CCDC91: variants seen among roughly 807,000 people sequenced by gnomAD.
CCDC91 encodes coiled-coil domain containing 91.
A neutral mutation model predicts 63.2 loss-of-function variants in CCDC91; 48 were observed. That is an observed-to-expected ratio of 0.76 (90% CI 0.60 to 0.97). The LOEUF is 0.97. Among genes scored for constraint, CCDC91 ranks in the 50% least tolerant of loss-of-function variants. The pLI, the probability that CCDC91 is intolerant of heterozygous loss-of-function variation, is 0.00. For synonymous variants in CCDC91, 167 were observed against 165.8 expected, an observed-to-expected ratio of 1.01 and a Z score of -0.06; for missense variants, 500 against 494.6, an observed-to-expected ratio of 1.01 and a Z score of -0.10.
At chr12:28,213,643 C>T (rs1303300914) in intron 1 of CCDC91, among the ~76,000 whole-genome samples, 1 of 152,198 alleles carries the variant, frequency 6.6e-6, no homozygotes, top group African/African-American at 2.4e-5. Flanking sequence ...TCCCTGCATG[C>T]ATTGCTTCTG....
chr12:28,268,816 G>C lies in CCDC91; in HGVS notation c.109+9374G>C, dbSNP rs368490750. 4.7e-5 allele frequency: 10 copies of C among 211,354 alleles called. No homozygotes were observed. In the East Asian group the frequency reaches 7.4e-4, roughly 16 times the overall value. 13.1% of individuals were successfully genotyped at this position (211,354 alleles called of 1,614,324 possible). ...GAGACTAAGAAAAATTTTTGAATCT[G>C]ACCTCAAGTGTCTGGTATGGAGGTC... On this transcript the variant is annotated intron_variant, in intron 3 of 12. Coordinates refer to ENST00000536442, the MANE Select transcript of CCDC91 (RefSeq NM_018318.5).
In CCDC91 at chr12:28,541,632, G is replaced by T. The variant is rs76201844; in HGVS notation, c.1216-7431G>T. ...AGCAGTAACCTAAATGATATATTTG[G>T]GATCCCTATGTTAATTTAATTTAGA... On this transcript the variant is annotated intron_variant, in intron 12 of 12. Coordinates refer to ENST00000536442, the MANE Select transcript of CCDC91 (RefSeq NM_018318.5). Among the ~76,000 whole-genome samples, 194 of 151,862 alleles carry T rather than the reference G, an allele frequency of 1.3e-3. 1 individual carries two copies. Among genetic ancestry groups the T allele is most frequent in the African/African-American group, 4.6e-3 (190 of 41,442 alleles).
intron 8 of CCDC91, among the ~76,000 whole-genome samples, chr12:28,438,674 T>C (rs1949030527): frequency 6.6e-6 from 1 of 152,184 alleles, no homozygotes; most frequent in African/African-American, 2.4e-5. Context: ...CTTAGGATTT[T>C]TCAACTTTCT....
At chr12:28,229,232 G>T (rs1944447953) in intron 1 of CCDC91, among the ~76,000 whole-genome samples, 1 of 151,668 alleles carries the variant, frequency 6.6e-6, no homozygotes, top group Non-Finnish European at 1.5e-5. Context: ...TTTCAGACTG[G>T]CTTCTTTCTG....
intron 1 of CCDC91, among the ~76,000 whole-genome samples, chr12:28,252,468 C>G (rs1946185943): frequency 6.6e-6 from 1 of 151,506 alleles, no homozygotes; most frequent in South Asian, 2.1e-4. Flanking sequence ...CCATTTTTTT[C>G]TCTTATACTT....
chr12:28,330,448 C>CTTTT (rs1160380286), intron 6 of CCDC91, among the ~76,000 whole-genome samples: 1 of 150,540 alleles, frequency 6.6e-6, no homozygotes, highest in Non-Finnish European at 1.5e-5. Flanking sequence ...CTGTCGCCCA[C>CTTTT]TTTTTGATGG....
intron 12 of CCDC91, among the ~76,000 whole-genome samples, chr12:28,508,095 G>T (rs1374748596): frequency 6.6e-6 from 1 of 151,928 alleles, no homozygotes; most frequent in Admixed American, 6.6e-5. Flanking sequence ...AGCAGCTGGA[G>T]AAATTAGTAC....
chr12:28,450,756 C>A (rs1949764488), intron 10 of CCDC91, among the ~76,000 whole-genome samples: 1 of 151,576 alleles, frequency 6.6e-6, no homozygotes, highest in Non-Finnish European at 1.5e-5. Flanking sequence ...TTTTTAAAGC[C>A]AAGTTTAAAA....
chr12:28,253,521 A>G (rs1946256341), intron 1 of CCDC91, among the ~76,000 whole-genome samples: 1 of 152,030 alleles, frequency 6.6e-6, no homozygotes, highest in Non-Finnish European at 1.5e-5. Flanking sequence ...CTTAATTTTG[A>G]GTTTCGGTTT....
chr12:28,342,035 C>T (rs1443395678), intron 6 of CCDC91, among the ~76,000 whole-genome samples: 2 of 152,130 alleles, frequency 1.3e-5, no homozygotes, highest in East Asian at 1.9e-4. Flanking sequence ...GAGAGATTCT[C>T]TTGGATTCCC....
intron 6 of CCDC91, among the ~76,000 whole-genome samples, chr12:28,325,406 T>C (rs1033574678): frequency 6.6e-6 from 1 of 152,040 alleles, no homozygotes; most frequent in African/African-American, 2.4e-5. Context: ...TTTTGGGTGA[T>C]TGTGATACAT....
intron 3 of CCDC91, among the ~76,000 whole-genome samples, chr12:28,290,557 T>G (rs948693615): frequency 6.6e-6 from 1 of 152,228 alleles, no homozygotes; most frequent in African/African-American, 2.4e-5. Context: ...TGATGTTAGC[T>G]GTTTATTATG....
chr12:28,503,408 T>A (rs567005600), intron 12 of CCDC91, among the ~76,000 whole-genome samples: 58 of 152,266 alleles, frequency 3.8e-4, no homozygotes, highest in African/African-American at 1.4e-3. Context: ...CCAGTTAGAA[T>A]GGCGATCATT....
chr12:28,284,825 A>C (rs1189010809), intron 3 of CCDC91, among the ~76,000 whole-genome samples: 1 of 152,136 alleles, frequency 6.6e-6, no homozygotes, highest in Non-Finnish European at 1.5e-5. Flanking sequence ...ACTCTGAGAT[A>C]TATTCTTTCT....
intron 1 of CCDC91, among the ~76,000 whole-genome samples, chr12:28,245,155 G>T (rs1264326331): frequency 1.3e-5 from 2 of 152,020 alleles, no homozygotes; most frequent in African/African-American, 4.8e-5. Context: ...CTATCATAAA[G>T]ATTCCTTTTC....
At chr12:28,516,103 A>T (rs1440700856) in intron 12 of CCDC91, among the ~76,000 whole-genome samples, 1 of 151,974 alleles carries the variant, frequency 6.6e-6, no homozygotes, top group Non-Finnish European at 1.5e-5. Flanking sequence ...CTACATCATC[A>T]GTAATGTGCT....
At chr12:28,208,177 G>A (rs756833916) in intron 1 of CCDC91, among the ~76,000 whole-genome samples, 49 of 152,110 alleles carry the variant, frequency 3.2e-4, no homozygotes, top group Non-Finnish European at 6.9e-4. Flanking sequence ...TGAACCTCCT[G>A]AAAGACGCCA....
At chr12:28,413,800 T>G (rs1214855799) in intron 8 of CCDC91, among the ~76,000 whole-genome samples, 2 of 152,178 alleles carry the variant, frequency 1.3e-5, no homozygotes, top group Non-Finnish European at 2.9e-5. Context: ...TGACATGAAA[T>G]AATACTTTTC....
At chr12:28,485,309 C>A (rs1350341482) in intron 12 of CCDC91, among the ~76,000 whole-genome samples, 2 of 151,980 alleles carry the variant, frequency 1.3e-5, no homozygotes, top group Non-Finnish European at 2.9e-5. Flanking sequence ...CAGGCGCCTG[C>A]CACCATGCCC....
Sources: allele counts gnomAD v4.1 joint callset (sites outside exome capture counted in the v4.1 genomes callset), GRCh38; gene constraint gnomAD v4.1.1; transcripts MANE v1.5; gene names NCBI Gene and HGNC (gene_info 2026-07-23, HGNC 2026-07-21).